CACNG1: variants seen among roughly 807,000 people sequenced by gnomAD.
CACNG1 encodes the protein voltage-dependent calcium channel gamma-1 subunit.
Under a neutral mutation model 22.0 loss-of-function variants are expected in CACNG1, and 21 were observed. The observed-to-expected ratio is 0.95, with a 90% CI of 0.68 to 1.37. The LOEUF (loss-of-function observed/expected upper bound fraction) is 1.37. Ranked by LOEUF, CACNG1 falls within the 40% of genes most tolerant of loss-of-function variation. The probability of loss-of-function intolerance (pLI) is 0.00; values close to 1 mark genes in which losing one functional copy is unlikely to be tolerated. For missense variants in CACNG1, 291 were observed against 308.6 expected, an observed-to-expected ratio of 0.94 and a Z score of 0.43; for synonymous variants, 127 against 129.2, an observed-to-expected ratio of 0.98 and a Z score of 0.12.
In CACNG1 at chr17:67,054,916, GACAC is replaced by G. The variant is rs746333996; in HGVS notation, c.305-179_305-176del. Among the ~76,000 whole-genome samples the G allele has an allele frequency of 3.4e-5, 5 of 148,890 alleles. No individual in the cohort carries two copies. Among genetic ancestry groups the G allele is most frequent in the East Asian group, 3.9e-4 (2 of 5,082 alleles). ...ACACACAATGACACACACAGACACT[GACAC>G]ACACACAGATACACACATACAATGA... On this transcript the variant is annotated intron_variant, in intron 2 of 3. Coordinates refer to ENST00000226021, the MANE Select transcript of CACNG1 (RefSeq NM_000727.4). The surrounding 1 kb of genome is among the most constrained non-coding windows in gnomAD (Gnocchi z 4.6).
intron 1 of CACNG1, 67 bp from the exon 2 acceptor site, chr17:67,053,925 GCTCT>G: frequency 9.0e-7 from 1 of 1,109,162 alleles, no homozygotes; most frequent in Non-Finnish European, 1.4e-6. Context: ...ATGACACCAC[GCTCT>G]CTGCCAGGCC....
chr17:67,055,872 G>C lies in CACNG1; in HGVS notation c.443-173G>C, dbSNP rs2035758139. ...TGCCCTTCTGAGGGATGCAGGAATA[G>C]GGTGGTGGGTGGACAAATGGATCCT... On this transcript the variant is annotated intron_variant, in intron 3 of 3. Transcript: ENST00000226021. The surrounding 1 kb of genome is among the most constrained non-coding windows in gnomAD (Gnocchi z 4.5). Among the ~76,000 whole-genome samples, 1 of 152,156 alleles carries C rather than the reference G, an allele frequency of 6.6e-6. No homozygotes were observed. Among genetic ancestry groups the C allele is most frequent in the Admixed American group, 6.5e-5 (1 of 15,280 alleles).
chr17:67,049,576 C>T (rs112738049), intron 1 of CACNG1, among the ~76,000 whole-genome samples: 10,018 of 143,918 alleles, frequency 0.07, 445 homozygotes, highest in Non-Finnish European at 0.11. Context: ...AGGTGGTTCT[C>T]ATTCTACAGG....
Position 67,055,022 on chromosome 17 carries a change from G to T in CACNG1, c.305-81G>T. 7.1e-7 allele frequency: 1 copy of T among 1,402,744 alleles called. No homozygotes were observed. 86.9% of individuals were successfully genotyped at this position (1,402,744 alleles called of 1,614,324 possible). A position where few individuals can be genotyped will look rare whatever the true frequency, so the allele number is the denominator to read the frequency against. ...ACACAGACACTGACACACACACTGT[G>T]GTGCATGGTGTGGTCCCTAACGAGC... On this transcript the variant is annotated intron_variant, in intron 2 of 3. Transcript: ENST00000226021. This position sits in a 1 kb window ranked among gnomAD's most constrained non-coding sequence, Gnocchi z 4.5.
chr17:67,051,519 C>T (rs2035728100), intron 1 of CACNG1, among the ~76,000 whole-genome samples: 2 of 152,186 alleles, frequency 1.3e-5, no homozygotes, highest in African/African-American at 4.8e-5. Context: ...CCCATCAGTC[C>T]TCAGGCCCCC....
chr17:67,056,317 G>C lies in CACNG1; in HGVS notation c.*46G>C. ...CCCTCAGGCTTCTTCCCCAGGAAGCGGGGTCTTGGCCTGGAACCTTCCAGA... is the reference window on the plus strand; with the variant it reads ...CCCTCAGGCTTCTTCCCCAGGAAGCCGGGTCTTGGCCTGGAACCTTCCAGA... On this transcript the variant is annotated 3_prime_UTR_variant, in exon 4 of 4. Coordinates refer to ENST00000226021, the MANE Select transcript of CACNG1 (RefSeq NM_000727.4). This position sits in a 1 kb window ranked among gnomAD's most constrained non-coding sequence, Gnocchi z 4.3. 1.3e-6 allele frequency: 2 copies of C among 1,568,888 alleles called. No homozygotes were observed. Among genetic ancestry groups the C allele is most frequent in the Non-Finnish European group, 1.8e-6 (2 of 1,141,926 alleles).
chr17:67,051,229 G>C (rs1010396644), intron 1 of CACNG1, among the ~76,000 whole-genome samples: 1 of 152,082 alleles, frequency 6.6e-6, no homozygotes, highest in Non-Finnish European at 1.5e-5. Flanking sequence ...CTAGACCCAG[G>C]AACAGGGCAG....
At position 67,054,823 on chromosome 17, in the gene CACNG1, C is replaced by A. The variant is rs1399719542; in HGVS notation, c.305-280C>A. Among the ~76,000 whole-genome samples, 1 of 151,708 alleles carries A rather than the reference C, an allele frequency of 6.6e-6. No individual in the cohort carries two copies. The highest frequency in any genetic ancestry group is 6.6e-5 in the Admixed American group (1 of 15,238). On this transcript the variant is annotated intron_variant, in intron 2 of 3. Coordinates refer to ENST00000226021, the MANE Select transcript of CACNG1 (RefSeq NM_000727.4). The surrounding 1 kb of genome is among the most constrained non-coding windows in gnomAD (Gnocchi z 4.6). Reference sequence around the variant, plus strand: ...TGACACACACGTACAATGACACAGACACAGAGACACACACTGACACACACG... The same window carrying A: ...TGACACACACGTACAATGACACAGAAACAGAGACACACACTGACACACACG...
chr17:67,044,562 C>T lies in CACNG1; in HGVS notation c.-99C>T, dbSNP rs1050104746. 1.3e-6 allele frequency: 1 copy of T among 775,432 alleles called. No individual in the cohort carries two copies. Among genetic ancestry groups the T allele is most frequent in the Admixed American group, 2.0e-5 (1 of 50,780 alleles). The allele number at this position is 775,432 out of a possible 1,614,324, so 48.0% of individuals were successfully genotyped here. ...CACTAAACTTAGTGGCCACTCCCAG[C>T]TCGACAACCACTGCCACCCCCCAAG... On this transcript the variant is annotated 5_prime_UTR_variant, in exon 1 of 4. Transcript: ENST00000226021. The surrounding 1 kb of genome is among the most constrained non-coding windows in gnomAD (Gnocchi z 6.9).
rs1229191625 is a variant in CACNG1 at position 67,054,930 on chromosome 17, T to TACACACATACAATG, written c.305-165_305-152dup. On this transcript the variant is annotated intron_variant, in intron 2 of 3. Transcript: ENST00000226021. The surrounding 1 kb of genome is among the most constrained non-coding windows in gnomAD (Gnocchi z 4.6). ...ACACAGACACTGACACACACACAGA[T>TACACACATACAATG]ACACACATACAATGACACACACAAG... Among the ~76,000 whole-genome samples the TACACACATACAATG allele has an allele frequency of 1.4e-5, 2 of 146,742 alleles. No homozygotes were observed. The highest frequency in any genetic ancestry group is 3.0e-5 in the Non-Finnish European group (2 of 66,936).
chr17:67,052,401 G>A (rs113372515), intron 1 of CACNG1, among the ~76,000 whole-genome samples: 93 of 152,322 alleles, frequency 6.1e-4, no homozygotes, highest in Non-Finnish European at 1.1e-3. Flanking sequence ...GGCATGGTAT[G>A]AGACCACAGG....
rs368003478 is a variant in CACNG1 at position 67,056,556 on chromosome 17, GTGTCCC to G, written c.*286_*291del. 30 of 502,292 alleles carry G rather than the reference GTGTCCC, an allele frequency of 6.0e-5. No individual in the cohort carries two copies. The highest frequency in any genetic ancestry group is 5.5e-4 in the Middle Eastern group (1 of 1,802). 31.1% of individuals were successfully genotyped at this position (502,292 alleles called of 1,614,324 possible). ...GCCCAACTTCCCCTGGAGCTCAGAG[GTGTCCC>G]CACTGTACCAGCCTCTGATAAGCTG... On this transcript the variant is annotated 3_prime_UTR_variant, in exon 4 of 4. Transcript: ENST00000226021. The surrounding 1 kb of genome is among the most constrained non-coding windows in gnomAD (Gnocchi z 4.3).
intron 1 of CACNG1, among the ~76,000 whole-genome samples, chr17:67,046,062 G>C (rs2035695354): frequency 6.6e-6 from 1 of 152,178 alleles, no homozygotes; most frequent in Non-Finnish European, 1.5e-5. Context: ...CAGCACTTTA[G>C]AGGAAAGAGT....
At chr17:67,050,577 G>A (rs1342150103) in intron 1 of CACNG1, among the ~76,000 whole-genome samples, 1 of 152,166 alleles carries the variant, frequency 6.6e-6, no homozygotes, top group African/African-American at 2.4e-5. Context: ...AGTCTCCATG[G>A]ACAGTCACTT....
chr17:67,044,749 A>T lies in CACNG1; in HGVS notation c.89A>T (p.Asp30Val). The T allele has an allele frequency of 1.2e-6, 2 of 1,612,932 alleles. No individual in the cohort carries two copies. The highest frequency in any genetic ancestry group is 1.7e-6 in the Non-Finnish European group (2 of 1,179,994). The change falls in exon 1 of 4, where the codon GAC (aspartate) becomes GTC (valine). Residue 30 changes from aspartate to valine, a missense_variant. Physicochemically the swap from Asp to Val is radical, Grantham distance 152. Coordinates refer to ENST00000226021, the MANE Select transcript of CACNG1 (RefSeq NM_000727.4). This position sits in a 1 kb window ranked among gnomAD's most constrained non-coding sequence, Gnocchi z 6.9. ...IVLAMTAVVT[D>V]HWAVLSPHME... Reference sequence around the variant, plus strand: ...CTGGCCATGACAGCCGTGGTAACCGACCACTGGGCTGTGCTGAGCCCCCAC... The same window carrying T: ...CTGGCCATGACAGCCGTGGTAACCGTCCACTGGGCTGTGCTGAGCCCCCAC...
intron 1 of CACNG1, among the ~76,000 whole-genome samples, chr17:67,048,291 C>A (rs370011704): frequency 1.6e-5 from 2 of 121,512 alleles, no homozygotes; most frequent in Middle Eastern, 5.4e-3. Flanking sequence ...GGCAATATAG[C>A]AAGACCCTGT....
intron 1 of CACNG1, among the ~76,000 whole-genome samples, chr17:67,046,648 A>G (rs1191249506): frequency 6.6e-6 from 1 of 151,760 alleles, no homozygotes; most frequent in Non-Finnish European, 1.5e-5. Flanking sequence ...CCTCCAGCCA[A>G]CTCCCCTGGG....
chr17:67,056,084 C>G lies in CACNG1; in HGVS notation c.482C>G (p.Ser161Trp), dbSNP rs1324628915. 1 of 1,612,664 alleles carries G rather than the reference C, an allele frequency of 6.2e-7. No homozygotes were observed. Among genetic ancestry groups the G allele is most frequent in the Non-Finnish European group, 8.5e-7 (1 of 1,179,896 alleles). ...ILVSVEVMRQ[S>W]VKRMIDSEDT... Reference sequence around the variant, plus strand: ...GTCTCGGTGGAGGTCATGCGGCAGTCGGTGAAGCGCATGATTGACAGTGAG... The same window carrying G: ...GTCTCGGTGGAGGTCATGCGGCAGTGGGTGAAGCGCATGATTGACAGTGAG... The change falls in exon 4 of 4, where the codon TCG becomes TGG. Residue 161 changes from serine to tryptophan, a missense_variant. Physicochemically the swap from Ser to Trp is radical, Grantham distance 177. Coordinates refer to ENST00000226021, the MANE Select transcript of CACNG1 (RefSeq NM_000727.4). The surrounding 1 kb of genome is among the most constrained non-coding windows in gnomAD (Gnocchi z 4.3).
chr17:67,055,930 G>A lies in CACNG1; in HGVS notation c.443-115G>A. The A allele has an allele frequency of 2.6e-6, 2 of 761,924 alleles. No homozygotes were observed. Among genetic ancestry groups the A allele is most frequent in the Non-Finnish European group, 4.4e-6 (2 of 458,682 alleles). The allele number at this position is 761,924 out of a possible 1,614,324, so 47.2% of individuals were successfully genotyped here. ...GTTCCCATCTAGAACCTGCCTTGAG[G>A]CAGCTTTTCCCCCAAGGCAAGGTCA... is the stretch of plus-strand genomic sequence containing the variant. On this transcript the variant is annotated intron_variant, in intron 3 of 3. Coordinates refer to ENST00000226021, the MANE Select transcript of CACNG1 (RefSeq NM_000727.4). This position sits in a 1 kb window ranked among gnomAD's most constrained non-coding sequence, Gnocchi z 4.5.
Sources: gnomAD v4.1 joint callset for allele counts (sites outside exome capture counted in the v4.1 genomes callset) on GRCh38, gnomAD v4.1.1 for gene constraint, Gnocchi (gnomAD v3.1) non-coding constraint, MANE v1.5 for transcripts, NCBI Gene and HGNC (gene_info 2026-07-23, HGNC 2026-07-21) for gene names.